ABCC1: variants seen among roughly 807,000 people sequenced by gnomAD.
ABCC1 encodes the protein multidrug resistance-associated protein 1.
In ABCC1, 83 loss-of-function variants were observed where a neutral mutation model predicts 172.9. The ratio of observed to expected loss-of-function variants is 0.48; its 90% CI spans 0.40 to 0.58. ABCC1 has a LOEUF of 0.58. Among genes scored for constraint, ABCC1 ranks in the 20% least tolerant of loss-of-function variants. The pLI is 0.00. For synonymous variants in ABCC1, 937 were observed against 825.2 expected (o/e 1.14, Z -2.32); for missense variants, 1,817 against 2,002.7 (o/e 0.91, Z 1.77).
intron 1 of ABCC1, among the ~76,000 whole-genome samples, chr16:15,995,346 A>C (rs773688924): frequency 3.3e-5 from 5 of 152,216 alleles, no homozygotes; most frequent in East Asian, 1.9e-4. Context: ...AGACAGAAGA[A>C]GGCGGCACAG....
intron 1 of ABCC1, among the ~76,000 whole-genome samples, chr16:15,968,043 A>G (rs982447154): frequency 6.6e-6 from 1 of 152,022 alleles, no homozygotes; most frequent in Non-Finnish European, 1.5e-5. Context: ...TTCTTTTATT[A>G]TTTTTTTGAG....
intron 5 of ABCC1, among the ~76,000 whole-genome samples, chr16:16,021,725 TGAAC>T (rs2151788040): frequency 6.6e-6 from 1 of 152,022 alleles, no homozygotes; most frequent in Non-Finnish European, 1.5e-5. Flanking sequence ...AACGAACAAA[TGAAC>T]AAACAAACAA....
At chr16:16,020,307 T>C (rs1446969260) in intron 5 of ABCC1, among the ~76,000 whole-genome samples, 1 of 152,166 alleles carries the variant, frequency 6.6e-6, no homozygotes, top group African/African-American at 2.4e-5. Flanking sequence ...TGTGCACCTG[T>C]CCAGGAGAGA....
Position 16,086,968 on chromosome 16 carries a change from C to A in ABCC1, c.2437C>A (p.Pro813Thr). ...GKHIFENVIGPKGMLKNKTRI... is the reference protein window; with the variant it reads ...GKHIFENVIGTKGMLKNKTRI... ...ACACATCTTTGAAAATGTGATTGGCCCCAAGGGGATGCTGAAGAACAAGGT... is the reference window on the plus strand; with the variant it reads ...ACACATCTTTGAAAATGTGATTGGCACCAAGGGGATGCTGAAGAACAAGGT... The change falls in exon 18 of 31, where the codon CCC (proline) becomes ACC (threonine). Residue 813 changes from proline to threonine, a missense_variant. Physicochemically the swap from Pro to Thr is conservative, Grantham distance 38 (BLOSUM62 -1). Coordinates refer to ENST00000399410, the MANE Select transcript of ABCC1 (RefSeq NM_004996.4). 3.1e-6 allele frequency: 5 copies of A among 1,614,130 alleles called. No individual in the cohort carries two copies. Among genetic ancestry groups the A allele is most frequent in the Non-Finnish European group, 4.2e-6 (5 of 1,180,036 alleles).
rs177339 is a variant in ABCC1, at chr16:15,949,778, C to G, written c.27C>G (p.Ala9=). MALRGFCS[A]DGSDPLWDWN... ...TGGCGCTCCGGGGCTTCTGCAGCGCCGATGGCTCCGACCCGCTCTGGGTAC... is the reference window on the plus strand; with the variant it reads ...TGGCGCTCCGGGGCTTCTGCAGCGCGGATGGCTCCGACCCGCTCTGGGTAC... The change falls in exon 1 of 31, where the codon GCC becomes GCG. Residue 9 remains alanine, a synonymous_variant. Coordinates refer to ENST00000399410, the MANE Select transcript of ABCC1 (RefSeq NM_004996.4). 8.4e-7 allele frequency: 1 copy of G among 1,196,378 alleles called. No individual in the cohort carries two copies. Among genetic ancestry groups the G allele is most frequent in the Non-Finnish European group, 1.0e-6 (1 of 965,202 alleles). The allele number at this position is 1,196,378 out of a possible 1,614,324, so 74.1% of individuals were successfully genotyped here.
intron 14 of ABCC1, 40 bp from the exon 15 acceptor site, chr16:16,076,286 A>T (rs1446097926): frequency 2.5e-6 from 4 of 1,602,292 alleles, no homozygotes; most frequent in Non-Finnish European, 3.4e-6. Context: ...GTGGAGTCGC[A>T]CAGCTCAGCC....
chr16:16,030,258 C>T (rs978249257), intron 5 of ABCC1, among the ~76,000 whole-genome samples: 2 of 152,138 alleles, frequency 1.3e-5, no homozygotes, highest in Admixed American at 1.3e-4. Flanking sequence ...CGCAGTGGCT[C>T]AAGCCTGTAA....
intron 27 of ABCC1, among the ~76,000 whole-genome samples, chr16:16,132,285 G>GT (rs2045710187): frequency 6.6e-6 from 1 of 151,930 alleles, no homozygotes. Context: ...AGCCTCCCAA[G>GT]TGGGGGGACT....
chr16:15,980,622 A>T (rs1315158668), intron 1 of ABCC1, among the ~76,000 whole-genome samples: 1 of 152,174 alleles, frequency 6.6e-6, no homozygotes, highest in Non-Finnish European at 1.5e-5. Flanking sequence ...ATTGTCTCTC[A>T]CTGGGTTCCT....
At chr16:16,080,763 C>G (rs1023890047) in intron 16 of ABCC1, among the ~76,000 whole-genome samples, 2 of 152,210 alleles carry the variant, frequency 1.3e-5, no homozygotes, top group African/African-American at 4.8e-5. Context: ...ACTGTTTAAC[C>G]TTATGTGTCC....
At chr16:16,135,058 G>A (rs1457739517) in intron 28 of ABCC1, among the ~76,000 whole-genome samples, 2 of 152,162 alleles carry the variant, frequency 1.3e-5, no homozygotes, top group East Asian at 3.9e-4. Flanking sequence ...TCCCCGGGAG[G>A]GGTAGTTTCA....
At chr16:15,954,451 C>T (rs752278756) in intron 1 of ABCC1, among the ~76,000 whole-genome samples, 3 of 152,108 alleles carry the variant, frequency 2.0e-5, no homozygotes, top group Admixed American at 1.3e-4. Context: ...CACCCCATTT[C>T]GTGGATGTGG....
At chr16:16,066,471 C>T (rs950771316) in intron 12 of ABCC1, among the ~76,000 whole-genome samples, 10 of 152,074 alleles carry the variant, frequency 6.6e-5, no homozygotes, top group Admixed American at 5.2e-4. Context: ...GTGAGCCACC[C>T]CGCCTGGCCA....
At chr16:15,999,100 A>AAG in intron 1 of ABCC1, among the ~76,000 whole-genome samples, 2 of 152,118 alleles carry the variant, frequency 1.3e-5, no homozygotes, top group Admixed American at 1.3e-4. Flanking sequence ...TTCTGGGTTC[A>AAG]TGCCATTCTC....
chr16:16,133,412 G>GTT (rs1235888647), intron 27 of ABCC1, among the ~76,000 whole-genome samples: 2 of 151,476 alleles, frequency 1.3e-5, no homozygotes, highest in African/African-American at 2.4e-5. Flanking sequence ...GTTTTGTTTT[G>GTT]TTTTGTTTTG....
chr16:15,985,290 G>A (rs1419887804), intron 1 of ABCC1, among the ~76,000 whole-genome samples: 2 of 152,196 alleles, frequency 1.3e-5, no homozygotes, highest in South Asian at 2.1e-4. Context: ...TTCACTGGAG[G>A]TGCTGTTGGG....
At chr16:16,124,453 C>CTGTGTGTGTGTGTGT (rs1596540674) in intron 24 of ABCC1, among the ~76,000 whole-genome samples, 1 of 150,082 alleles carries the variant, frequency 6.7e-6, no homozygotes, top group Non-Finnish European at 1.5e-5. Flanking sequence ...CTACGCCCGG[C>CTGTGTGTGTGTGTGT]CTATGTGTAT....
chr16:16,090,584 G>GA lies in ABCC1; in HGVS notation c.2642dup (p.Asn881LysfsTer41). The GA allele has an allele frequency of 6.3e-7, 1 of 1,590,344 alleles. No individual in the cohort carries two copies. Among genetic ancestry groups the GA allele is most frequent in the Non-Finnish European group, 8.6e-7 (1 of 1,163,972 alleles). On this transcript the variant is annotated frameshift_variant, in exon 19 of 31. Transcript: ENST00000399410. LOFTEE classifies it high-confidence loss of function. ...CAGAGCAGGAGCAGGATGCAGAGGA[G>GA]AACGGTAGGGGCAGCCCCAGGGTTC...
intron 4 of ABCC1, 89 bp from the exon 5 acceptor site, chr16:16,016,407 G>A (rs1329984794): frequency 6.6e-7 from 1 of 1,525,902 alleles, no homozygotes; most frequent in African/African-American, 1.4e-5. Context: ...GCCTGTCTCG[G>A]CCTCCAAAAG....
Sources: allele counts gnomAD v4.1 joint callset (sites outside exome capture counted in the v4.1 genomes callset), GRCh38; gene constraint gnomAD v4.1.1; transcripts MANE v1.5; gene names NCBI Gene and HGNC (gene_info 2026-07-23, HGNC 2026-07-21).